Variants in ZBTB40 observed in about 807,000 individuals in gnomAD.
ZBTB40 encodes zinc finger and BTB domain-containing protein 40.
Under a neutral mutation model 117.5 loss-of-function variants are expected in ZBTB40, and 60 were observed. The observed-to-expected ratio is 0.51, with a 90% CI of 0.41 to 0.63. ZBTB40 has a LOEUF of 0.63. Ranked by LOEUF, ZBTB40 falls within the 30% of genes least tolerant of loss-of-function variation. The probability of loss-of-function intolerance (pLI) is 0.00; values close to 1 mark genes in which losing one functional copy is unlikely to be tolerated. For missense variants in ZBTB40, 1,287 were observed against 1,498.5 expected (o/e 0.86, Z 2.33); for synonymous variants, 525 against 577.1 (o/e 0.91, Z 1.29).
At chr1:22,472,735 C>G (rs551878628) in intron 1 of ZBTB40, among the ~76,000 whole-genome samples, 2 of 152,288 alleles carry the variant, frequency 1.3e-5, no homozygotes, top group South Asian at 2.1e-4. Context: ...CTGGCTGTAC[C>G]ATTCTAGGTC....
chr1:22,499,266 C>G (rs1430162308), intron 3 of ZBTB40, among the ~76,000 whole-genome samples: 1 of 152,236 alleles, frequency 6.6e-6, no homozygotes, highest in Non-Finnish European at 1.5e-5. Flanking sequence ...GCTTGCATCT[C>G]ACAGAGCAAG....
At chr1:22,479,826 A>T (rs1224985223) in intron 1 of ZBTB40, among the ~76,000 whole-genome samples, 1 of 152,052 alleles carries the variant, frequency 6.6e-6, no homozygotes, top group Non-Finnish European at 1.5e-5. Flanking sequence ...TTTCTTCCTA[A>T]TCACACATTT....
Position 22,509,148 on chromosome 1 carries a change from A to G in ZBTB40, c.1748A>G (p.Gln583Arg). 6.2e-7 allele frequency: 1 copy of G among 1,614,114 alleles called. No homozygotes were observed. Among genetic ancestry groups the G allele is most frequent in the Non-Finnish European group, 8.5e-7 (1 of 1,180,018 alleles). ...ATLETILRHN[Q>R]LILEAIQQKI... ...TTAGAAACAATCCTGAGGCATAACC[A>G]GTTGATCTTGGAGGCCATCCAACAG... is the stretch of plus-strand genomic sequence containing the variant. Residue 583 changes from glutamine (Q) to arginine (R), a missense_variant, in exon 9 of 18, where the codon CAG becomes CGG. Physicochemically the swap from Gln to Arg is conservative, Grantham distance 43. This residue lies in a region of ZBTB40 where 870 missense variants were observed against 934.4 expected (regional missense o/e 0.93). Transcript: ENST00000375647.
In ZBTB40 at chr1:22,527,404, T is replaced by A. The variant is rs1404651898; in HGVS notation, c.*1008T>A. 1 of 152,376 alleles carries A rather than the reference T, an allele frequency of 6.6e-6. No individual in the cohort carries two copies. Among genetic ancestry groups the A allele is most frequent in the Non-Finnish European group, 1.5e-5 (1 of 68,048 alleles). 9.4% of individuals were successfully genotyped at this position (152,376 alleles called of 1,614,324 possible). A position where few individuals can be genotyped will look rare whatever the true frequency, so the allele number is the denominator to read the frequency against. On this transcript the variant is annotated 3_prime_UTR_variant, in exon 18 of 18. Coordinates refer to ENST00000375647, the MANE Select transcript of ZBTB40 (RefSeq NM_014870.4). Reference sequence around the variant, plus strand: ...ACCTCCCGCAGGCCGCCACACTTATTGCAGGTCAGTGATCCTTTGGAGTTT... The same window carrying A: ...ACCTCCCGCAGGCCGCCACACTTATAGCAGGTCAGTGATCCTTTGGAGTTT...
intron 1 of ZBTB40, among the ~76,000 whole-genome samples, chr1:22,487,377 G>A (rs760360013): frequency 2.6e-5 from 4 of 152,114 alleles, no homozygotes; most frequent in Non-Finnish European, 4.4e-5. Flanking sequence ...CCTTTTCTTA[G>A]CGTACTTTTT....
chr1:22,508,744 C>A lies in ZBTB40; in HGVS notation c.1699+13C>A. 1 of 1,612,354 alleles carries A rather than the reference C, an allele frequency of 6.2e-7. No homozygotes were observed. Among genetic ancestry groups the A allele is most frequent in the Non-Finnish European group, 8.5e-7 (1 of 1,179,778 alleles). On this transcript the variant is annotated intron_variant, in intron 8 of 17. Coordinates refer to ENST00000375647, the MANE Select transcript of ZBTB40 (RefSeq NM_014870.4). ...TTCTTCCGGGCAGGTAAGTTACCTG[C>A]CCTCTGGGGGGGTTTTGCCCCCACT...
At chr1:22,517,502 G>C in intron 13 of ZBTB40, 38 bp downstream of exon 13, 2 of 1,596,524 alleles carry the variant, frequency 1.3e-6, no homozygotes, top group Non-Finnish European at 1.7e-6. Flanking sequence ...CTCAGTGCCA[G>C]CCTGGCACTG....
chr1:22,475,385 C>T (rs568293710), intron 1 of ZBTB40, among the ~76,000 whole-genome samples: 1 of 152,166 alleles, frequency 6.6e-6, no homozygotes, highest in African/African-American at 2.4e-5. Context: ...GGAGATCTAC[C>T]TCTGGCCATC....
chr1:22,455,726 T>G (rs1198586538), intron 1 of ZBTB40, among the ~76,000 whole-genome samples: 2 of 152,102 alleles, frequency 1.3e-5, no homozygotes, highest in Non-Finnish European at 2.9e-5. Context: ...TGTTTTTCAG[T>G]CTATTTTATT....
chr1:22,480,495 T>TGTC (rs1326198183), intron 1 of ZBTB40, among the ~76,000 whole-genome samples: 1 of 152,142 alleles, frequency 6.6e-6, no homozygotes, highest in Non-Finnish European at 1.5e-5. Flanking sequence ...TTCTTTTCTG[T>TGTC]GTCGTTGTTG....
In ZBTB40 at chr1:22,521,602, A is replaced by T; in HGVS notation, c.3155A>T (p.Asp1052Val). 6.2e-7 allele frequency: 1 copy of T among 1,614,222 alleles called. No individual in the cohort carries two copies. Among genetic ancestry groups the T allele is most frequent in the Non-Finnish European group, 8.5e-7 (1 of 1,180,046 alleles). Residue 1052 changes from aspartate to valine, a missense_variant, in exon 15 of 18, where the codon GAC becomes GTC. Coordinates refer to ENST00000375647, the MANE Select transcript of ZBTB40 (RefSeq NM_014870.4). ...KFSSLQCSSC[D>V]KTFPNTIEHK... Reference sequence around the variant, plus strand: ...TCATCACTCCAGTGCAGCTCCTGTGACAAAACCTTCCCCAACACCATTGAG... The same window carrying T: ...TCATCACTCCAGTGCAGCTCCTGTGTCAAAACCTTCCCCAACACCATTGAG...
intron 1 of ZBTB40, among the ~76,000 whole-genome samples, chr1:22,478,535 CG>C (rs1265680113): frequency 6.6e-6 from 1 of 152,154 alleles, no homozygotes; most frequent in African/African-American, 2.4e-5. Context: ...CGTGAGCCAC[CG>C]TGCCCGGCTC....
intron 5 of ZBTB40, among the ~76,000 whole-genome samples, chr1:22,504,079 T>G (rs757827313): frequency 5.9e-5 from 9 of 152,244 alleles, no homozygotes; most frequent in Non-Finnish European, 1.2e-4. Context: ...TTCTTAAGAT[T>G]GGGGTTCCAC....
chr1:22,517,796 A>G (rs1283106347), intron 13 of ZBTB40, among the ~76,000 whole-genome samples: 1 of 122,838 alleles, frequency 8.1e-6, no homozygotes, highest in East Asian at 2.3e-4. Flanking sequence ...GAATATTTCC[A>G]TTAGGCCATC....
At chr1:22,469,609 T>A (rs750457996) in intron 1 of ZBTB40, among the ~76,000 whole-genome samples, 1 of 152,176 alleles carries the variant, frequency 6.6e-6, no homozygotes, top group Admixed American at 6.5e-5. Context: ...CAGGCTGGAG[T>A]GCAGTGGTGC....
chr1:22,452,381 T>C lies in ZBTB40; in HGVS notation c.-70+377T>C, dbSNP rs372240152. 5.9e-5 allele frequency among the ~76,000 whole-genome samples: 9 copies of C among 152,382 alleles called. No homozygotes were observed. The South Asian group carries it at 1.4e-3, about 25-fold the overall frequency. ...CGCCGGGCGTCAGCGGACTATGGCC[T>C]TGGGCCTAATCCATGCCCCCCTTCT... On this transcript the variant is annotated intron_variant, in intron 1 of 17. Coordinates refer to ENST00000375647, the MANE Select transcript of ZBTB40 (RefSeq NM_014870.4).
At chr1:22,450,047 G>A (rs1469714274), upstream of ZBTB40, among the ~76,000 whole-genome samples, 6 of 151,778 alleles carry the variant, frequency 4.0e-5, no homozygotes, top group Non-Finnish European at 8.8e-5. Flanking sequence ...AGGTTCAAGC[G>A]ATTCTCCTGC....
intron 1 of ZBTB40, among the ~76,000 whole-genome samples, chr1:22,459,456 A>C (rs534973173): frequency 6.6e-6 from 1 of 152,202 alleles, no homozygotes. Flanking sequence ...AGTACTTATT[A>C]AAAACTTTTT....
intron 2 of ZBTB40, 123 bp from the exon 3 acceptor site, chr1:22,491,277 A>G: frequency 2.1e-6 from 2 of 948,500 alleles, no homozygotes; most frequent in Non-Finnish European, 3.3e-6. Context: ...TTCATAACTG[A>G]TGTGCTAGAC....
Sources: allele counts gnomAD v4.1 joint callset (sites outside exome capture counted in the v4.1 genomes callset), GRCh38; gene constraint gnomAD v4.1.1; regional missense constraint gnomAD v4.1.1; transcripts MANE v1.5; gene names NCBI Gene and HGNC (gene_info 2026-07-23, HGNC 2026-07-21).